Variants in HS2ST1 observed in about 807,000 individuals in gnomAD.
HS2ST1 encodes 2-O-sulfotransferase.
A neutral mutation model predicts 42.9 loss-of-function variants in HS2ST1; 18 were observed. That is an observed-to-expected ratio of 0.42 (90% CI 0.29 to 0.62). The LOEUF is 0.62. Ranked by LOEUF, HS2ST1 falls within the 20% of genes least tolerant of loss-of-function variation. The pLI, the probability that HS2ST1 is intolerant of heterozygous loss-of-function variation, is 0.21. For synonymous variants in HS2ST1, 146 were observed against 152.9 expected, an observed-to-expected ratio of 0.95 and a Z score of 0.33; for missense variants, 334 against 433.8, an observed-to-expected ratio of 0.77 and a Z score of 2.04.
chr1:86,994,727 A>G lies in HS2ST1; in HGVS notation c.125-78207A>G, dbSNP rs143917313. ...AAATGTTTTAGGGTCTTATTACAGAATGAAAACTATATTGTTTCTTAAGGA... is the reference window on the plus strand; with the variant it reads ...AAATGTTTTAGGGTCTTATTACAGAGTGAAAACTATATTGTTTCTTAAGGA... On this transcript the variant is annotated intron_variant, in intron 1 of 6. Transcript: ENST00000370550. Among the ~76,000 whole-genome samples the G allele has an allele frequency of 3.0e-3, 450 of 152,316 alleles. 3 individuals are homozygous for G. The highest frequency in any genetic ancestry group is 4.9e-3 in the Non-Finnish European group (331 of 68,000).
rs550433723 is a variant in HS2ST1, at chr1:87,008,442, A to G, written c.125-64492A>G. On this transcript the variant is annotated intron_variant, in intron 1 of 6. Coordinates refer to ENST00000370550, the MANE Select transcript of HS2ST1 (RefSeq NM_012262.4). The stretch of plus-strand genomic sequence containing the variant: ...TGTGTCATGTATTGACAAAACATTT[A>G]TACACTGTAATATTTTGAAACATAA... Among the ~76,000 whole-genome samples the G allele has an allele frequency of 2.8e-4, 43 of 152,352 alleles. No individual in the cohort carries two copies. The South Asian group carries it at 3.7e-3, about 13-fold the overall frequency.
chr1:87,064,485 A>G (rs1386216639), intron 1 of HS2ST1: 1 of 518,506 alleles, frequency 1.9e-6, no homozygotes, highest in African/African-American at 1.9e-5. Context: ...TCTTTTTTAT[A>G]GGATGATTCA....
intron 2 of HS2ST1, among the ~76,000 whole-genome samples, chr1:87,077,032 C>T (rs1651563367): frequency 6.6e-6 from 1 of 152,152 alleles, no homozygotes; most frequent in Non-Finnish European, 1.5e-5. Flanking sequence ...ATGCTAATCA[C>T]TGGTTAAAAT....
intron 1 of HS2ST1, among the ~76,000 whole-genome samples, chr1:86,999,727 G>A (rs1429481154): frequency 6.6e-6 from 1 of 151,994 alleles, no homozygotes; most frequent in African/African-American, 2.4e-5. Context: ...TCATACATCT[G>A]TTTTAGGCCT....
intron 1 of HS2ST1, among the ~76,000 whole-genome samples, chr1:86,931,847 T>C (rs1466898161): frequency 6.6e-6 from 1 of 152,116 alleles, no homozygotes; most frequent in Admixed American, 6.6e-5. Flanking sequence ...GTATATTTTG[T>C]TTCTGAGAGG....
chr1:87,084,476 A>G lies in HS2ST1; in HGVS notation c.449+197A>G, dbSNP rs1415073365. ...GTGTTCATAAATTGGCAATTCTTAT[A>G]TTAATTACATATTAGTTATTACTCT... On this transcript the variant is annotated intron_variant, in intron 3 of 6. Transcript: ENST00000370550. Among the ~76,000 whole-genome samples, 5 of 152,160 alleles carry G rather than the reference A, an allele frequency of 3.3e-5. No individual in the cohort carries two copies. The East Asian group carries it at 5.8e-4, about 18-fold the overall frequency.
At chr1:86,946,918 A>G (rs184902616) in intron 1 of HS2ST1, among the ~76,000 whole-genome samples, 1 of 152,332 alleles carries the variant, frequency 6.6e-6, no homozygotes, top group Admixed American at 6.5e-5. Flanking sequence ...TGGATGTACA[A>G]ATTCTCCTTG....
intron 1 of HS2ST1, among the ~76,000 whole-genome samples, chr1:87,044,638 A>G (rs1034770144): frequency 8.5e-5 from 13 of 152,078 alleles, no homozygotes; most frequent in African/African-American, 3.1e-4. Context: ...TGTTAATGAT[A>G]CCTAAGGGTA....
chr1:86,954,092 C>T (rs921828000), intron 1 of HS2ST1, among the ~76,000 whole-genome samples: 7 of 148,774 alleles, frequency 4.7e-5, no homozygotes, highest in African/African-American at 1.8e-4. Context: ...TGGCTCACGC[C>T]TCTAATCCCA....
At chr1:86,973,662 G>A (rs1023974053) in intron 1 of HS2ST1, among the ~76,000 whole-genome samples, 5 of 152,156 alleles carry the variant, frequency 3.3e-5, no homozygotes, top group Non-Finnish European at 5.9e-5. Flanking sequence ...TGGGATGAAG[G>A]AAATATCTTC....
At chr1:87,032,612 A>G (rs1363481962) in intron 1 of HS2ST1, among the ~76,000 whole-genome samples, 1 of 152,190 alleles carries the variant, frequency 6.6e-6, no homozygotes, top group African/African-American at 2.4e-5. Context: ...AGATTGTTCC[A>G]GATCAGCAGT....
chr1:86,994,005 A>C (rs150278165), intron 1 of HS2ST1, among the ~76,000 whole-genome samples: 322 of 152,280 alleles, frequency 2.1e-3, no homozygotes, highest in Non-Finnish European at 4.0e-3. Flanking sequence ...TTTAACTTAA[A>C]CTAAAATCCC....
intron 1 of HS2ST1, among the ~76,000 whole-genome samples, chr1:87,004,116 C>A (rs1248500833): frequency 1.3e-5 from 2 of 152,096 alleles, no homozygotes; most frequent in Non-Finnish European, 2.9e-5. Context: ...ACTGGCCGGG[C>A]GTGGTGGCTG....
chr1:87,030,552 C>A (rs1650207887), intron 1 of HS2ST1, among the ~76,000 whole-genome samples: 1 of 152,020 alleles, frequency 6.6e-6, no homozygotes, highest in Non-Finnish European at 1.5e-5. Context: ...ACACACATGC[C>A]TCTCCACTTG....
At chr1:86,938,020 C>T (rs1467247705) in intron 1 of HS2ST1, among the ~76,000 whole-genome samples, 1 of 152,140 alleles carries the variant, frequency 6.6e-6, no homozygotes, top group Admixed American at 6.5e-5. Context: ...TGATATTTAA[C>T]TAGAGCATGT....
Position 87,097,897 on chromosome 1 carries a change from T to A in HS2ST1, c.648T>A (p.Leu216=). 1 of 1,614,036 alleles carries A rather than the reference T, an allele frequency of 6.2e-7. No individual in the cohort carries two copies. The highest frequency in any genetic ancestry group is 8.5e-7 in the Non-Finnish European group (1 of 1,179,880). ...GSDCAPEKLW[L]QIPFFCGHSS... Reference sequence around the variant, plus strand: ...ACTGTGCTCCAGAGAAGCTCTGGCTTCAAATCCCGTTCTTCTGTGGCCATA... The same window carrying A: ...ACTGTGCTCCAGAGAAGCTCTGGCTACAAATCCCGTTCTTCTGTGGCCATA... The change falls in exon 5 of 7, where the codon CTT becomes CTA. Residue 216 remains leucine (L), a synonymous_variant. Transcript: ENST00000370550.
intron 4 of HS2ST1, among the ~76,000 whole-genome samples, chr1:87,096,176 A>G (rs1040260403): frequency 1.3e-5 from 2 of 152,200 alleles, no homozygotes; most frequent in African/African-American, 4.8e-5. Context: ...ATTCTTTAAT[A>G]AACACTAAAA....
intron 2 of HS2ST1, among the ~76,000 whole-genome samples, chr1:87,075,750 C>T (rs966909281): frequency 2.6e-5 from 4 of 151,980 alleles, no homozygotes; most frequent in African/African-American, 9.7e-5. Flanking sequence ...AACTGTTTAC[C>T]TGCTTAATTA....
At chr1:86,996,657 C>T (rs1649112104) in intron 1 of HS2ST1, among the ~76,000 whole-genome samples, 1 of 151,944 alleles carries the variant, frequency 6.6e-6, no homozygotes, top group African/African-American at 2.4e-5. Flanking sequence ...TCAAAGATAA[C>T]AAAGCATATG....
Sources: allele counts gnomAD v4.1 joint callset (sites outside exome capture counted in the v4.1 genomes callset), GRCh38; gene constraint gnomAD v4.1.1; transcripts MANE v1.5; gene names NCBI Gene and HGNC (gene_info 2026-07-23, HGNC 2026-07-21).